The following NAT10 variants were observed in gnomAD, a reference collection of about 807,000 sequenced individuals.
NAT10 encodes the protein N-acetyltransferase 10.
NAT10 carries 109 observed loss-of-function variants against 132.2 expected under a neutral mutation model. That is an observed-to-expected ratio of 0.82 (90% confidence interval 0.71 to 0.97). NAT10 has a LOEUF of 0.97. Ranked by LOEUF, NAT10 falls within the 50% of genes least tolerant of loss-of-function variation. NAT10 has a pLI of 0.00. For missense variants in NAT10, 1,184 were observed against 1,263.4 expected (o/e 0.94, Z 0.95); for synonymous variants, 479 against 478.0 (o/e 1.00, Z -0.03).
At chr11:34,115,224 A>G (rs907003878) in intron 5 of NAT10, among the ~76,000 whole-genome samples, 1 of 152,184 alleles carries the variant, frequency 6.6e-6, no homozygotes, top group African/African-American at 2.4e-5. Flanking sequence ...TTGCATTTCC[A>G]GATCTTAGAA....
At position 34,146,167 on chromosome 11, in the gene NAT10, A is replaced by T; in HGVS notation, c.3053A>T (p.Asp1018Val). 3 of 1,608,046 alleles carry T rather than the reference A, an allele frequency of 1.9e-6. No individual in the cohort carries two copies. The highest frequency in any genetic ancestry group is 2.5e-6 in the Non-Finnish European group (3 of 1,177,290). Residue 1018 changes from aspartate to valine, a missense_variant, in exon 29 of 29, where the codon GAT becomes GTT. Asp to Val is a radical substitution (Grantham distance 152). Transcript: ENST00000257829. Reference protein sequence around the residue: ...LKNRETKNKKDMKLKRKK With the variant: ...LKNRETKNKKVMKLKRKK ...AACAGAGAGACAAAGAACAAAAAAGATATGAAACTGAAGCGGAAGAAATAG... is the reference window on the plus strand; with the variant it reads ...AACAGAGAGACAAAGAACAAAAAAGTTATGAAACTGAAGCGGAAGAAATAG...
chr11:34,128,244 C>T (rs1852036596), intron 12 of NAT10, among the ~76,000 whole-genome samples: 1 of 151,940 alleles, frequency 6.6e-6, no homozygotes, highest in South Asian at 2.1e-4. Context: ...ATCCCAGCTA[C>T]TCTGGAGGCT....
At position 34,136,666 on chromosome 11, in the gene NAT10, A is replaced by T. The variant is rs1590779195; in HGVS notation, c.2053A>T (p.Ile685Phe). 1.2e-6 allele frequency: 2 copies of T among 1,614,124 alleles called. No homozygotes were observed. The highest frequency in any genetic ancestry group is 1.7e-6 in the Non-Finnish European group (2 of 1,180,016). Reference sequence around the variant, plus strand: ...GGCTGTCAGCTTGTTGGAAGAGGTCATCACTCCCCGGAAGGACCTGCCTCC... The same window carrying T: ...GGCTGTCAGCTTGTTGGAAGAGGTCTTCACTCCCCGGAAGGACCTGCCTCC... ...SEAVSLLEEVITPRKDLPPLL... is the reference protein window; with the variant it reads ...SEAVSLLEEVFTPRKDLPPLL... Residue 685 changes from isoleucine to phenylalanine, a missense_variant, in exon 20 of 29, where the codon ATC becomes TTC. Physicochemically the swap from Ile to Phe is conservative, Grantham distance 21. Coordinates refer to ENST00000257829, the MANE Select transcript of NAT10 (RefSeq NM_024662.3).
At chr11:34,115,736 T>C in intron 5 of NAT10, 87 bp from the exon 6 acceptor site, 1 of 1,337,840 alleles carries the variant, frequency 7.5e-7, no homozygotes, top group Non-Finnish European at 1.0e-6. Flanking sequence ...ATTGCCCATG[T>C]CTCCTTGGAT....
At chr11:34,140,967 C>T in intron 24 of NAT10, 122 bp from the exon 25 acceptor site, 2 of 1,315,838 alleles carry the variant, frequency 1.5e-6, no homozygotes, top group East Asian at 2.3e-5. Flanking sequence ...TGCCAATATA[C>T]ACAGTGCTAG....
intron 19 of NAT10, 74 bp downstream of exon 19, chr11:34,135,365 AC>A (rs1389656179): frequency 1.6e-6 from 2 of 1,252,446 alleles, no homozygotes; most frequent in Non-Finnish European, 2.3e-6. Flanking sequence ...AGGGGCATCA[AC>A]AAAAACCAGT....
chr11:34,113,941 A>G (rs1325345210), intron 5 of NAT10, 103 bp downstream of exon 5: 2 of 1,383,550 alleles, frequency 1.4e-6, no homozygotes, highest in African/African-American at 1.4e-5. Flanking sequence ...TCCAGTGAGT[A>G]GTCAGCACAG....
rs1386930321 is a variant in NAT10 at position 34,136,671 on chromosome 11, TC to T, written c.2062del (p.Arg688GlyfsTer11). The T allele has an allele frequency of 1.2e-6, 2 of 1,614,006 alleles. No individual in the cohort carries two copies. The highest frequency in any genetic ancestry group is 1.7e-6 in the Non-Finnish European group (2 of 1,180,026). On this transcript the variant is annotated frameshift_variant, in exon 20 of 29. Coordinates refer to ENST00000257829, the MANE Select transcript of NAT10 (RefSeq NM_024662.3). LOFTEE classifies it high-confidence loss of function. Reference protein sequence around the residue: ...AVSLLEEVITPRKDLPPLLLK... With the variant: ...AVSLLEEVITXRKDLPPLLLK... ...TCAGCTTGTTGGAAGAGGTCATCAC[TC>T]CCCGGAAGGACCTGCCTCCTTTACT...
intron 3 of NAT10, among the ~76,000 whole-genome samples, chr11:34,109,087 C>T (rs1590758399): frequency 6.6e-6 from 1 of 152,162 alleles, no homozygotes; most frequent in East Asian, 1.9e-4. Context: ...CTGATTAAGC[C>T]CATCTCATTG....
chr11:34,133,619 G>A (rs1328814813), intron 16 of NAT10, among the ~76,000 whole-genome samples: 1 of 152,144 alleles, frequency 6.6e-6, no homozygotes, highest in African/African-American at 2.4e-5. Context: ...AAGCTGTGTA[G>A]TATTTCATTA....
chr11:34,123,530 G>A (rs1337237117), intron 9 of NAT10, among the ~76,000 whole-genome samples: 2 of 152,202 alleles, frequency 1.3e-5, no homozygotes, highest in African/African-American at 4.8e-5. Flanking sequence ...TCTGCACACC[G>A]AGGGCGTTGT....
chr11:34,143,539 A>G lies in NAT10; in HGVS notation c.2969+11A>G. ...CATCAGCCTGAAAAGGTGAGGGCCC[A>G]GGGTCTGATGTGCATCTGGCGGAAG... On this transcript the variant is annotated intron_variant, in intron 28 of 28. Transcript: ENST00000257829. 6.2e-7 allele frequency: 1 copy of G among 1,612,898 alleles called. No individual in the cohort carries two copies. The highest frequency in any genetic ancestry group is 1.7e-5 in the Admixed American group (1 of 59,866).
intron 27 of NAT10, 63 bp from the exon 28 acceptor site, chr11:34,143,382 T>C (rs1454169802): frequency 8.6e-6 from 12 of 1,400,444 alleles, no homozygotes; most frequent in Non-Finnish European, 1.1e-5. Context: ...ACTGTCGTTA[T>C]TTTCTCTTAA....
At chr11:34,132,880 C>T in intron 15 of NAT10, 146 bp from the exon 16 acceptor site, 1 of 702,454 alleles carries the variant, frequency 1.4e-6, no homozygotes, top group Non-Finnish European at 2.6e-6. Flanking sequence ...TGCCAAAATA[C>T]TAGAAAGGTG....
At chr11:34,120,064 T>C (rs763937351) in intron 8 of NAT10, among the ~76,000 whole-genome samples, 2 of 152,128 alleles carry the variant, frequency 1.3e-5, no homozygotes, top group African/African-American at 4.8e-5. Context: ...TGTTGCTGCT[T>C]TAATTAGGAG....
chr11:34,134,713 G>A (rs1386183571), intron 18 of NAT10, 127 bp downstream of exon 18: 4 of 508,500 alleles, frequency 7.9e-6, no homozygotes, highest in Non-Finnish European at 1.5e-5. Context: ...CCCTGCTCTG[G>A]AGAATTGAGC....
intron 8 of NAT10, among the ~76,000 whole-genome samples, chr11:34,121,001 G>A (rs1045691271): frequency 2.6e-5 from 4 of 152,178 alleles, no homozygotes; most frequent in South Asian, 2.1e-4. Context: ...GTGTCCCTCC[G>A]GTGTCCTAGG....
Position 34,113,635 on chromosome 11 carries a change from T to G in NAT10, c.373-81T>G, listed in dbSNP as rs1851734846. On this transcript the variant is annotated intron_variant, in intron 4 of 28. Transcript: ENST00000257829. ...CTGGGCGACAGAGCAAGACTCCATC[T>G]CAAAAAAAAAAAAAAAAAAAAAAAA... 7.7e-6 allele frequency: 8 copies of G among 1,034,360 alleles called. No individual in the cohort carries two copies. The South Asian group carries it at 1.3e-4, about 17-fold the overall frequency. The allele number at this position is 1,034,360 out of a possible 1,614,324, so 64.1% of individuals were successfully genotyped here.
intron 4 of NAT10, 110 bp from the exon 5 acceptor site, chr11:34,113,606 C>A: frequency 7.5e-7 from 1 of 1,341,270 alleles, no homozygotes; most frequent in Non-Finnish European, 9.9e-7. Flanking sequence ...CACTGCACTC[C>A]AGCCTGGGCG....
Sources: gnomAD v4.1 joint callset for allele counts (sites outside exome capture counted in the v4.1 genomes callset) on GRCh38, gnomAD v4.1.1 for gene constraint, MANE v1.5 for transcripts, NCBI Gene and HGNC (gene_info 2026-07-23, HGNC 2026-07-21) for gene names.